The following MREG variants were observed in gnomAD, a reference collection of about 807,000 sequenced individuals.
The protein encoded by MREG is dilute suppressor protein homolog.
MREG carries 31 observed loss-of-function variants against 28.5 expected under a neutral mutation model. That is an observed-to-expected ratio of 1.09 (90% confidence interval 0.82 to 1.47). The LOEUF is 1.47. Ranked by LOEUF, MREG falls within the 40% of genes most tolerant of loss-of-function variation. The probability of loss-of-function intolerance (pLI) is 0.00; values close to 1 mark genes in which losing one functional copy is unlikely to be tolerated. For synonymous variants in MREG, 106 were observed against 95.2 expected (o/e 1.11, Z -0.66); for missense variants, 256 against 257.4 (o/e 0.99, Z 0.04).
chr2:215,988,306 C>T (rs747003254), intron 2 of MREG, among the ~76,000 whole-genome samples: 1 of 152,154 alleles, frequency 6.6e-6, no homozygotes, highest in Non-Finnish European at 1.5e-5. Flanking sequence ...AGAATTCCCT[C>T]TCTTAGCCAA....
At chr2:215,955,938 C>T (rs1436656049) in intron 2 of MREG, among the ~76,000 whole-genome samples, 1 of 152,148 alleles carries the variant, frequency 6.6e-6, no homozygotes, top group African/African-American at 2.4e-5. Flanking sequence ...GGAGAAAGGT[C>T]TCCAGTAATG....
chr2:216,016,344 C>T (rs1694449327), upstream of MREG, among the ~76,000 whole-genome samples: 2 of 152,166 alleles, frequency 1.3e-5, no homozygotes, highest in African/African-American at 4.8e-5. Flanking sequence ...GATAATCCAC[C>T]TAGGTTCAAA....
At chr2:215,974,854 T>A (rs57685565) in intron 2 of MREG, among the ~76,000 whole-genome samples, 6,555 of 132,414 alleles carry the variant, frequency 0.05, 279 homozygotes, top group African/African-American at 0.14. Flanking sequence ...ACACACACAC[T>A]CTCTCTCTCT....
chr2:215,990,378 C>T (rs989796207), intron 2 of MREG, among the ~76,000 whole-genome samples: 1 of 152,122 alleles, frequency 6.6e-6, no homozygotes, highest in South Asian at 2.1e-4. Flanking sequence ...GCCTGCCTTA[C>T]AAGAGCTCCT....
At chr2:215,965,989 T>C (rs912207824) in intron 2 of MREG, among the ~76,000 whole-genome samples, 37 of 152,168 alleles carry the variant, frequency 2.4e-4, no homozygotes, top group Admixed American at 1.6e-3. Context: ...AGAATTGCAA[T>C]ACCCAAAATC....
intron 2 of MREG, among the ~76,000 whole-genome samples, chr2:215,983,332 C>T (rs1199774829): frequency 6.6e-6 from 1 of 152,210 alleles, no homozygotes; most frequent in Non-Finnish European, 1.5e-5. Flanking sequence ...TTTCTGAGTG[C>T]TTAAGCATTA....
At chr2:215,971,819 G>A (rs1481938543) in intron 2 of MREG, among the ~76,000 whole-genome samples, 2 of 152,156 alleles carry the variant, frequency 1.3e-5, no homozygotes, top group Non-Finnish European at 2.9e-5. Flanking sequence ...TCAAAACTAG[G>A]GCAGAGGAAC....
In MREG at chr2:215,944,770, A is replaced by G. The variant is rs989024990; in HGVS notation, c.*93T>C. The G allele has an allele frequency of 1.7e-5, 22 of 1,273,010 alleles. No individual in the cohort carries two copies. Among genetic ancestry groups the G allele is most frequent in the Admixed American group, 9.0e-5 (4 of 44,488 alleles). The allele number at this position is 1,273,010 out of a possible 1,614,324, so 78.9% of individuals were successfully genotyped here. On this transcript the variant is annotated 3_prime_UTR_variant, in exon 5 of 5. Transcript: ENST00000263268. ...TATCATTTTTCACTAAGCAAACTCT[A>G]TTTGCTCACTCTCTTCTACATGTAA... is the stretch of plus-strand genomic sequence containing the variant.
intron 2 of MREG, among the ~76,000 whole-genome samples, chr2:215,985,317 GA>G (rs1487251072): frequency 1.3e-5 from 2 of 152,186 alleles, no homozygotes; most frequent in Non-Finnish European, 2.9e-5. Flanking sequence ...TGAACATAAG[GA>G]TAATGATTTA....
intron 2 of MREG, among the ~76,000 whole-genome samples, chr2:215,955,231 T>C (rs1393312415): frequency 6.6e-6 from 1 of 152,242 alleles, no homozygotes; most frequent in Non-Finnish European, 1.5e-5. Context: ...TTTTTTACCA[T>C]TTAGTATAGA....
chr2:215,954,089 G>A (rs111752976), intron 2 of MREG, among the ~76,000 whole-genome samples: 13 of 152,268 alleles, frequency 8.5e-5, no homozygotes, highest in African/African-American at 3.1e-4. Flanking sequence ...CCTGAATTCT[G>A]TCCAGCAGAG....
At chr2:215,959,325 G>A (rs1692718319) in intron 2 of MREG, among the ~76,000 whole-genome samples, 1 of 121,054 alleles carries the variant, frequency 8.3e-6, no homozygotes, top group Non-Finnish European at 1.7e-5. Context: ...ATGTGGATGA[G>A]CCCAATCAGA....
intron 2 of MREG, among the ~76,000 whole-genome samples, chr2:215,995,752 T>C (rs1298356739): frequency 6.6e-6 from 1 of 152,254 alleles, no homozygotes; most frequent in Non-Finnish European, 1.5e-5. Context: ...AATATTCTAG[T>C]GTTCTTAAAT....
rs1694540520 is a variant in MREG, at chr2:216,022,585, C to T, written c.-68+10204G>A. 2.0e-5 allele frequency among the ~76,000 whole-genome samples: 3 copies of T among 152,176 alleles called. No individual in the cohort carries two copies. In the East Asian group the frequency reaches 5.8e-4, roughly 29 times the overall value. On this transcript the variant is annotated intron_variant, in intron 1 of 3. Coordinates refer to the MREG transcript ENST00000420348. ...CTGTTGTCACAGCTAATTCTCCTGC[C>T]ATAACAAACACTTTCCAGATGCCCA...
At chr2:215,953,063 A>G (rs1395987336) in intron 2 of MREG, among the ~76,000 whole-genome samples, 2 of 152,200 alleles carry the variant, frequency 1.3e-5, no homozygotes, top group Non-Finnish European at 2.9e-5. Flanking sequence ...ACCAACCATG[A>G]TTCATCCCTT....
intron 1 of MREG, among the ~76,000 whole-genome samples, chr2:216,007,366 T>C (rs559705752): frequency 5.7e-4 from 86 of 152,162 alleles, no homozygotes; most frequent in Non-Finnish European, 1.2e-3. Context: ...GCTCTCAGAT[T>C]GGAAACAAGC....
At position 215,943,583 on chromosome 2, in the gene MREG, T is replaced by C; in HGVS notation, c.*1280A>G. On this transcript the variant is annotated 3_prime_UTR_variant, in exon 5 of 5. Transcript: ENST00000263268. ...TTGGCCGGGCGCGGTGACTCACGCC[T>C]GTAATCCCAGCACTTTGGGAGGCTG... 1 of 439,718 alleles carries C rather than the reference T, an allele frequency of 2.3e-6. No homozygotes were observed. Among genetic ancestry groups the C allele is most frequent in the Non-Finnish European group, 4.6e-6 (1 of 217,776 alleles). 27.2% of individuals were successfully genotyped at this position (439,718 alleles called of 1,614,324 possible).
chr2:215,987,505 A>G (rs1408049506), intron 2 of MREG, among the ~76,000 whole-genome samples: 1 of 152,066 alleles, frequency 6.6e-6, no homozygotes, highest in Non-Finnish European at 1.5e-5. Flanking sequence ...TCAGCCTCCC[A>G]AAGTGCTGGG....
chr2:215,949,083 AC>A (rs1559173390), intron 2 of MREG, among the ~76,000 whole-genome samples: 7,443 of 120,318 alleles, frequency 0.062, 214 homozygotes, highest in Admixed American at 0.076. Flanking sequence ...TACTACTACT[AC>A]TACTAATAAT....
Sources: gnomAD v4.1 joint callset for allele counts (sites outside exome capture counted in the v4.1 genomes callset) on GRCh38, gnomAD v4.1.1 for gene constraint, MANE v1.5 for transcripts, NCBI Gene and HGNC (gene_info 2026-07-23, HGNC 2026-07-21) for gene names.